Variants in LRRC56 observed in about 807,000 individuals in gnomAD.
LRRC56 encodes the protein leucine rich repeat containing 56, also known as leucine-rich repeat-containing protein 56.
In LRRC56, 41 loss-of-function variants were observed where a neutral mutation model predicts 47.8. That is an observed-to-expected ratio of 0.86 (90% CI 0.67 to 1.11). LRRC56 has a LOEUF of 1.11. LRRC56 is among the 50% of genes most tolerant of loss of function. The probability of loss-of-function intolerance (pLI) is 0.00; values close to 1 mark genes in which losing one functional copy is unlikely to be tolerated. For synonymous variants in LRRC56, 387 were observed against 311.2 expected (o/e 1.24, Z -2.56); for missense variants, 759 against 704.2 (o/e 1.08, Z -0.88).
chr11:515,147 A>G, the LRRC56 span, among the ~76,000 whole-genome samples: 1 of 152,146 alleles, frequency 6.6e-6, no homozygotes, highest in Non-Finnish European at 1.5e-5. Flanking sequence ...CTGTGGGTGC[A>G]CATGTGGGGA....
chr11:520,265 G>A, the LRRC56 span, among the ~76,000 whole-genome samples: 2 of 142,272 alleles, frequency 1.4e-5, no homozygotes, highest in African/African-American at 5.3e-5. Flanking sequence ...TTAGAACGCG[G>A]CCTGATACAC....
chr11:553,305 G>T (rs1332396126), intron 13 of LRRC56, among the ~76,000 whole-genome samples: 2 of 152,216 alleles, frequency 1.3e-5, no homozygotes, highest in Non-Finnish European at 1.5e-5. Flanking sequence ...GTAAGCAGGG[G>T]CGACCCCACG....
At chr11:521,949 A>G in the LRRC56 span, among the ~76,000 whole-genome samples, 1 of 152,046 alleles carries the variant, frequency 6.6e-6, no homozygotes, top group Non-Finnish European at 1.5e-5. Context: ...TGCCCAAAAC[A>G]GCTCTCATAA....
At chr11:520,977 C>T in the LRRC56 span, among the ~76,000 whole-genome samples, 2,772 of 152,294 alleles carry the variant, frequency 0.018, 85 homozygotes, top group African/African-American at 0.063. Context: ...TTGACTACTC[C>T]GCTGCCTGAA....
At chr11:543,414 C>T (rs1233160700) in intron 5 of LRRC56, among the ~76,000 whole-genome samples, 1 of 151,768 alleles carries the variant, frequency 6.6e-6, no homozygotes, top group Non-Finnish European at 1.5e-5. Flanking sequence ...GGGGTGTCAC[C>T]ATGTTGGCCA....
At position 554,547 on chromosome 11, in the gene LRRC56, G is replaced by T; in HGVS notation, c.*271G>T. On this transcript the variant is annotated 3_prime_UTR_variant, in exon 14 of 14. Transcript: ENST00000270115. ...TCCTTAGGGCCAGGCTTTCCCGCGG[G>T]CACGGGGGTGGGGGGTGGTCACCCG... 2.4e-6 allele frequency: 1 copy of T among 410,332 alleles called. No homozygotes were observed. Among genetic ancestry groups the T allele is most frequent in the Non-Finnish European group, 4.3e-6 (1 of 232,888 alleles). The allele number at this position is 410,332 out of a possible 1,614,324, so 25.4% of individuals were successfully genotyped here. A position where few individuals can be genotyped will look rare whatever the true frequency, so the allele number is the denominator to read the frequency against.
the LRRC56 span, among the ~76,000 whole-genome samples, chr11:510,298 T>C: frequency 6.6e-6 from 1 of 152,168 alleles, no homozygotes. Context: ...CTGTGCCTGT[T>C]CTACTTCTAT....
In LRRC56 at chr11:554,208, G is replaced by A. The variant is rs768625973; in HGVS notation, c.1561G>A (p.Ala521Thr). 4 of 1,540,554 alleles carry A rather than the reference G, an allele frequency of 2.6e-6. No homozygotes were observed. The highest frequency in any genetic ancestry group is 2.0e-5 in the Admixed American group (1 of 51,278). ...RAQGCPGPKP[A>T]PDAAARPPRA... ...CCAGGGATGTCCTGGCCCAAAGCCA[G>A]CACCAGATGCAGCAGCTAGACCTCC... The change falls in exon 14 of 14, where the codon GCA becomes ACA. Residue 521 changes from alanine (A) to threonine (T), a missense_variant. By Grantham distance (58) the Ala-to-Thr change is moderately conservative. Coordinates refer to ENST00000270115, the MANE Select transcript of LRRC56 (RefSeq NM_198075.4).
chr11:551,253 G>A lies in LRRC56; in HGVS notation c.747G>A (p.Trp249Ter). The part of the protein sequence containing the change: ...PPAPPRLSQD[W>*]LAVKEAIKKG... ...CCCCCCCGCGGCTGAGCCAGGACTG[G>A]CTTGCGGTGAAGGAGGCCATCAAGA... The change falls in exon 9 of 14, where the codon TGG (tryptophan) becomes TGA (stop). Residue 249 changes from tryptophan (W) to a stop codon, truncating the protein, a stop_gained. Transcript: ENST00000270115. LOFTEE classifies it high-confidence loss of function. 6.5e-7 allele frequency: 1 copy of A among 1,542,582 alleles called. No individual in the cohort carries two copies. Among genetic ancestry groups the A allele is most frequent in the Non-Finnish European group, 8.8e-7 (1 of 1,141,348 alleles).
At position 540,782 on chromosome 11, in the gene LRRC56, C is replaced by T. The variant is rs773744894; in HGVS notation, c.98C>T (p.Pro33Leu). 19 of 1,609,058 alleles carry T rather than the reference C, an allele frequency of 1.2e-5. No individual in the cohort carries two copies. Among genetic ancestry groups the T allele is most frequent in the Non-Finnish European group, 1.6e-5 (19 of 1,178,508 alleles). Residue 33 changes from proline (P) to leucine (L), a missense_variant, in exon 4 of 14, where the codon CCA becomes CTA. Transcript: ENST00000270115. The stretch of plus-strand genomic sequence containing the variant: ...TGGCAAGGCCTGCACAACCCCTGCC[C>T]ACAGAGCAAGGGCCCTGGCAGTCAG... ...LSWQGLHNPC[P>L]QSKGPGSQRD...
At chr11:507,247 C>T in the LRRC56 span, 4 of 147,632 alleles carry the variant, frequency 2.7e-5, no homozygotes, top group East Asian at 2.1e-4. Context: ...GTGTTCGAGC[C>T]GGCTCGTGGG....
At chr11:532,686 G>C, upstream of LRRC56, 1 of 1,613,164 alleles carries the variant, frequency 6.2e-7, no homozygotes. Context: ...CTCTCATCAG[G>C]AGGGTTCAGC....
the LRRC56 span, among the ~76,000 whole-genome samples, chr11:518,880 C>T: frequency 2.0e-5 from 3 of 147,928 alleles, no homozygotes; most frequent in African/African-American, 5.1e-5. Context: ...CGCCCTCTGC[C>T]GGCCGCTCTG....
intron 5 of LRRC56, among the ~76,000 whole-genome samples, chr11:544,053 G>GCAAC: frequency 6.6e-6 from 1 of 152,274 alleles, no homozygotes; most frequent in Admixed American, 6.5e-5. Flanking sequence ...CAGCCACTCT[G>GCAAC]CAACCCTTCT....
At position 541,185 on chromosome 11, in the gene LRRC56, G is replaced by A. The variant is rs1851772369; in HGVS notation, c.177+324G>A. ...CCATTATCCTCCAACCAAAGAGGGG[G>A]GTCCTTCACTCAAGCGGGAGACCAG... On this transcript the variant is annotated intron_variant, in intron 4 of 13. Transcript: ENST00000270115. This position sits in a 1 kb window ranked among gnomAD's most constrained non-coding sequence, Gnocchi z 4.1. Among the ~76,000 whole-genome samples, 1 of 152,160 alleles carries A rather than the reference G, an allele frequency of 6.6e-6. No homozygotes were observed. The highest frequency in any genetic ancestry group is 6.5e-5 in the Admixed American group (1 of 15,282).
the LRRC56 span, among the ~76,000 whole-genome samples, chr11:530,503 G>C: frequency 9.1e-5 from 11 of 120,260 alleles, no homozygotes; most frequent in South Asian, 8.9e-4. Context: ...AGAGAAGGGC[G>C]AGTGTGGCGT....
At chr11:525,055 C>T in the LRRC56 span, among the ~76,000 whole-genome samples, 1 of 149,590 alleles carries the variant, frequency 6.7e-6, no homozygotes, top group South Asian at 2.1e-4. Flanking sequence ...AAGATCTCAC[C>T]GCTGCACTCC....
chr11:507,560 G>A, the LRRC56 span, among the ~76,000 whole-genome samples: 1 of 152,200 alleles, frequency 6.6e-6, no homozygotes. Flanking sequence ...ATCCTCGGAG[G>A]AAGAGGCCGG....
chr11:553,810 CAG>C (rs1167661585), intron 13 of LRRC56, among the ~76,000 whole-genome samples, 151 bp from the exon 14 acceptor site: 3 of 152,168 alleles, frequency 2.0e-5, no homozygotes, highest in South Asian at 2.1e-4. Context: ...GCTGGGAACA[CAG>C]AAAGTGGGGT....
Sources: allele counts gnomAD v4.1 joint callset (sites outside exome capture counted in the v4.1 genomes callset), GRCh38; gene constraint gnomAD v4.1.1; non-coding constraint Gnocchi (gnomAD v3.1); transcripts MANE v1.5; gene names NCBI Gene and HGNC (gene_info 2026-07-23, HGNC 2026-07-21).